Variants in TSPAN18 observed in about 807,000 individuals in gnomAD.
TSPAN18 encodes the protein tetraspanin 18, also known as tetraspanin-18.
In TSPAN18, 14 loss-of-function variants were observed where a neutral mutation model predicts 27.3. The ratio of observed to expected loss-of-function variants is 0.51; its 90% confidence interval spans 0.34 to 0.80. The LOEUF (loss-of-function observed/expected upper bound fraction) is 0.80. Among genes scored for constraint, TSPAN18 ranks in the 30% least tolerant of loss-of-function variants. The pLI, the probability that TSPAN18 is intolerant of heterozygous loss-of-function variation, is 0.01. For synonymous variants in TSPAN18, 143 were observed against 136.5 expected (o/e 1.05, Z -0.33); for missense variants, 268 against 323.9 (o/e 0.83, Z 1.32).
chr11:44,770,132 C>T (rs1380019575), intron 2 of TSPAN18, among the ~76,000 whole-genome samples: 1 of 152,156 alleles, frequency 6.6e-6, no homozygotes, highest in Non-Finnish European at 1.5e-5. Context: ...CTGGGAATAT[C>T]GTTTTGAATG....
chr11:44,743,754 C>A (rs938188830), intron 1 of TSPAN18, among the ~76,000 whole-genome samples: 2 of 152,270 alleles, frequency 1.3e-5, no homozygotes, highest in Admixed American at 6.5e-5. Context: ...GCCTTACTTC[C>A]TGGTTGTGGA....
chr11:44,799,429 A>G (rs1044895919), intron 2 of TSPAN18, among the ~76,000 whole-genome samples: 1 of 152,180 alleles, frequency 6.6e-6, no homozygotes, highest in Non-Finnish European at 1.5e-5. Context: ...TAGCAAGTTC[A>G]TTCTTCACTC....
At chr11:44,919,570 T>A in intron 7 of TSPAN18, 1 of 606,878 alleles carries the variant, frequency 1.6e-6, no homozygotes, top group Non-Finnish European at 2.9e-6. Flanking sequence ...CCACAGCAAC[T>A]GTTTATGGAT....
At chr11:44,792,521 G>C (rs1281010052) in intron 2 of TSPAN18, among the ~76,000 whole-genome samples, 2 of 152,222 alleles carry the variant, frequency 1.3e-5, no homozygotes, top group African/African-American at 4.8e-5. Context: ...TGCTACCTAA[G>C]TGTGCCTCCC....
At chr11:44,788,697 T>G (rs542217349) in intron 2 of TSPAN18, among the ~76,000 whole-genome samples, 26 of 152,252 alleles carry the variant, frequency 1.7e-4, no homozygotes, top group Non-Finnish European at 3.2e-4. Context: ...TCTCCCCGCC[T>G]CGGCCTCCCA....
At chr11:44,800,640 C>T (rs874035) in intron 2 of TSPAN18, among the ~76,000 whole-genome samples, 1,947 of 152,316 alleles carry the variant, frequency 0.013, 49 homozygotes, top group African/African-American at 0.044. Flanking sequence ...CCTTTCTGGG[C>T]TGTGCAGCAG....
chr11:44,778,001 G>A (rs7945444), intron 2 of TSPAN18, among the ~76,000 whole-genome samples: 2 of 152,074 alleles, frequency 1.3e-5, no homozygotes, highest in African/African-American at 2.4e-5. Flanking sequence ...GATACCCTAG[G>A]GGGTAGAGCA....
chr11:44,877,089 G>C (rs189139388), intron 3 of TSPAN18, among the ~76,000 whole-genome samples: 2 of 152,358 alleles, frequency 1.3e-5, no homozygotes, highest in Admixed American at 6.5e-5. Flanking sequence ...GCAGCCTGTG[G>C]GAAGGGCCAT....
chr11:44,851,309 TC>T (rs1857594882), intron 2 of TSPAN18, among the ~76,000 whole-genome samples: 1 of 152,146 alleles, frequency 6.6e-6, no homozygotes, highest in Non-Finnish European at 1.5e-5. Context: ...ACTTCCCACT[TC>T]CTAGCGGGGC....
At chr11:44,824,138 G>C (rs190110360) in intron 2 of TSPAN18, among the ~76,000 whole-genome samples, 3 of 152,268 alleles carry the variant, frequency 2.0e-5, no homozygotes, top group Admixed American at 1.3e-4. Flanking sequence ...AGGCCTTTGA[G>C]GGATCATTTG....
intron 2 of TSPAN18, among the ~76,000 whole-genome samples, chr11:44,785,205 C>T (rs567727602): frequency 1.7e-4 from 26 of 152,288 alleles, no homozygotes; most frequent in Non-Finnish European, 3.5e-4. Flanking sequence ...ACACTGAATA[C>T]ATGAGTACCC....
intron 2 of TSPAN18, among the ~76,000 whole-genome samples, chr11:44,801,807 G>A (rs1046900371): frequency 2.0e-5 from 3 of 152,186 alleles, no homozygotes; most frequent in Admixed American, 6.5e-5. Flanking sequence ...CGAGGTGGGA[G>A]GATCAATTAA....
At chr11:44,895,834 CAGG>C (rs1859024906) in intron 3 of TSPAN18, among the ~76,000 whole-genome samples, 2 of 152,162 alleles carry the variant, frequency 1.3e-5, no homozygotes, top group Non-Finnish European at 2.9e-5. Context: ...TGGGATGCAG[CAGG>C]AGAAGAGAAG....
chr11:44,797,925 G>T (rs911680822), intron 2 of TSPAN18, among the ~76,000 whole-genome samples: 1 of 152,176 alleles, frequency 6.6e-6, no homozygotes, highest in Non-Finnish European at 1.5e-5. Context: ...TCCATTTCTA[G>T]AGAGTCAAGA....
chr11:44,791,199 A>C (rs1400123918), intron 2 of TSPAN18, among the ~76,000 whole-genome samples: 1 of 152,018 alleles, frequency 6.6e-6, no homozygotes, highest in East Asian at 1.9e-4. Context: ...CACACCACTG[A>C]ATGGGGGCAG....
chr11:44,855,799 C>A lies in TSPAN18; in HGVS notation c.-152-4529C>A, dbSNP rs7951910. Among the ~76,000 whole-genome samples the A allele has an allele frequency of 9.8e-3, 1,486 of 151,278 alleles. 31 individuals are homozygous for A. Among genetic ancestry groups the A allele is most frequent in the African/African-American group, 0.033 (1,342 of 41,018 alleles). On this transcript the variant is annotated intron_variant, in intron 2 of 9. Coordinates refer to ENST00000520358, the MANE Select transcript of TSPAN18 (RefSeq NM_130783.5). ...CCTTATCCCCATCCACCCCACCCCC[C>A]ACCATGCCCTGCCCATCCTCCTTCC...
intron 2 of TSPAN18, among the ~76,000 whole-genome samples, chr11:44,829,555 A>G (rs1012321668): frequency 6.6e-6 from 1 of 152,208 alleles, no homozygotes; most frequent in Non-Finnish European, 1.5e-5. Flanking sequence ...TATATTGGAC[A>G]AATGCAATTT....
At chr11:44,828,227 C>G (rs1180609340) in intron 2 of TSPAN18, among the ~76,000 whole-genome samples, 1 of 152,124 alleles carries the variant, frequency 6.6e-6, no homozygotes, top group Non-Finnish European at 1.5e-5. Context: ...GGTGAAAAAT[C>G]TAGCTTTGAA....
intron 5 of TSPAN18, among the ~76,000 whole-genome samples, chr11:44,915,869 G>A (rs1430620732): frequency 6.6e-6 from 1 of 152,206 alleles, no homozygotes; most frequent in East Asian, 1.9e-4. Context: ...AGCGTCCGGT[G>A]CCCGGCGGTC....
Sources: allele counts gnomAD v4.1 joint callset (sites outside exome capture counted in the v4.1 genomes callset), GRCh38; gene constraint gnomAD v4.1.1; transcripts MANE v1.5; gene names NCBI Gene and HGNC (gene_info 2026-07-23, HGNC 2026-07-21).